Variants in SCGB1D2 observed in about 807,000 individuals in gnomAD.
SCGB1D2 encodes lipophilin-B.
Under a neutral mutation model 10.5 loss-of-function variants are expected in SCGB1D2, and 10 were observed. That is an observed-to-expected ratio of 0.95 (90% CI 0.59 to 1.61). The LOEUF (loss-of-function observed/expected upper bound fraction) is 1.61, where lower values mean the gene tolerates loss of function less well. SCGB1D2 is among the 40% of genes most tolerant of loss of function. SCGB1D2 has a pLI of 0.00. For missense variants in SCGB1D2, 113 were observed against 103.8 expected (o/e 1.09, Z -0.38); for synonymous variants, 42 against 42.8 (o/e 0.98, Z 0.08).
At chr11:62,243,198 C>A in intron 1 of SCGB1D2, 91 bp from the exon 2 acceptor site, 3 of 1,009,236 alleles carry the variant, frequency 3.0e-6, no homozygotes, top group Non-Finnish European at 4.5e-6. Context: ...GAACATATAA[C>A]CCAGGGGATC....
chr11:62,243,590 C>T (rs1945083347), intron 2 of SCGB1D2, 114 bp downstream of exon 2: 2 of 914,974 alleles, frequency 2.2e-6, no homozygotes, highest in East Asian at 4.9e-5. Context: ...CCTTGCTGGT[C>T]ACCTCTTGAG....
At chr11:62,244,534 T>G (rs1945092874) in intron 2 of SCGB1D2, 136 bp from the exon 3 acceptor site, 1 of 743,956 alleles carries the variant, frequency 1.3e-6, no homozygotes, top group Non-Finnish European at 2.2e-6. Flanking sequence ...AGGCCTCAGT[T>G]TCCCAAACTG....
chr11:62,243,264 C>T, intron 1 of SCGB1D2, 25 bp from the exon 2 acceptor site: 1 of 1,599,886 alleles, frequency 6.3e-7, no homozygotes, highest in Non-Finnish European at 8.5e-7. Flanking sequence ...CTAACATCAA[C>T]TATATTTTTA....
At chr11:62,244,445 C>T (rs142434165) in intron 2 of SCGB1D2, among the ~76,000 whole-genome samples, 57 of 152,270 alleles carry the variant, frequency 3.7e-4, no homozygotes, top group Non-Finnish European at 4.3e-4. Flanking sequence ...GCCTCATTCC[C>T]GGATCACCCC....
Position 62,242,324 on chromosome 11 carries a change from G to A in SCGB1D2, c.17G>A (p.Cys6Tyr). 6.2e-7 allele frequency: 1 copy of A among 1,614,072 alleles called. No individual in the cohort carries two copies. The highest frequency in any genetic ancestry group is 8.5e-7 in the Non-Finnish European group (1 of 1,179,984). The change falls in exon 1 of 3, where the codon TGT (cysteine) becomes TAT (tyrosine). Residue 6 changes from cysteine to tyrosine, a missense_variant. Cys to Tyr is a radical substitution (Grantham distance 194, BLOSUM62 -2). Transcript: ENST00000244926. The stretch of plus-strand genomic sequence containing the variant: ...CAAGCCACCATGAAGCTGTCGGTGT[G>A]TCTCCTGCTGGTCACGCTGGCCCTC... MKLSV[C>Y]LLLVTLALCC... is the part of the protein sequence containing the mutation.
Position 62,244,686 on chromosome 11 carries a change from A to T in SCGB1D2, c.260A>T (p.Lys87Ile), listed in dbSNP as rs776544059. ...IAEVLVKILK[K>I]CSV ...CTATTTTAGGTGAAAATATTGAAGA[A>T]ATGTAGTGTGTGACATGTAAAAACT... The change falls in exon 3 of 3, where the codon AAA becomes ATA. Residue 87 changes from lysine (K) to isoleucine (I), a missense_variant. Coordinates refer to ENST00000244926, the MANE Select transcript of SCGB1D2 (RefSeq NM_006551.4). 1.9e-6 allele frequency: 3 copies of T among 1,613,272 alleles called. No homozygotes were observed. The highest frequency in any genetic ancestry group is 1.7e-6 in the Non-Finnish European group (2 of 1,179,496).
chr11:62,243,505 G>A (rs374173250), intron 2 of SCGB1D2, 29 bp downstream of exon 2: 15 of 1,588,684 alleles, frequency 9.4e-6, no homozygotes, highest in Non-Finnish European at 1.3e-5. Context: ...ATTTGTTAAG[G>A]CTTCTGGTCA....
Position 62,242,340 on chromosome 11 carries a change from G to C in SCGB1D2, c.33G>C (p.Thr11=), listed in dbSNP as rs370395063. The C allele has an allele frequency of 3.2e-5, 51 of 1,613,992 alleles. No homozygotes were observed. The highest frequency in any genetic ancestry group is 4.1e-5 in the Non-Finnish European group (48 of 1,179,944). ...TGTCGGTGTGTCTCCTGCTGGTCAC[G>C]CTGGCCCTCTGCTGCTACCAGGGTG... is the stretch of plus-strand genomic sequence containing the variant. MKLSVCLLLV[T]LALCCYQANA... The change falls in exon 1 of 3, where the codon ACG becomes ACC. Residue 11 remains threonine, a synonymous_variant. Transcript: ENST00000244926.
rs759633764 is a variant in SCGB1D2 at position 62,243,446 on chromosome 11, T to C, written c.213T>C (p.Leu71=). ...GVKRCTDQMS[L]QKRSLIAEVL... ...AGAGATGCACGGATCAGATGTCCCTTCAGAAACGAAGCCTCATTGCGGAAG... is the reference window on the plus strand; with the variant it reads ...AGAGATGCACGGATCAGATGTCCCTCCAGAAACGAAGCCTCATTGCGGAAG... Residue 71 remains leucine (L), a synonymous_variant, in exon 2 of 3, where the codon CTT becomes CTC. Transcript: ENST00000244926. 1.9e-6 allele frequency: 3 copies of C among 1,613,098 alleles called. No individual in the cohort carries two copies. Among genetic ancestry groups the C allele is most frequent in the Non-Finnish European group, 2.5e-6 (3 of 1,179,750 alleles).
Position 62,244,807 on chromosome 11 carries a change from C to T in SCGB1D2, c.*108C>T. The T allele has an allele frequency of 2.1e-6, 2 of 957,700 alleles. No individual in the cohort carries two copies. The highest frequency in any genetic ancestry group is 1.7e-6 in the Non-Finnish European group (1 of 602,180). 59.3% of individuals were successfully genotyped at this position (957,700 alleles called of 1,614,324 possible). A position where few individuals can be genotyped will look rare whatever the true frequency, so the allele number is the denominator to read the frequency against. Reference sequence around the variant, plus strand: ...TTGCTTTAATAAATCACTTGCTCTCCACGTCTCCACTGGTCTTGTTATAAT... The same window carrying T: ...TTGCTTTAATAAATCACTTGCTCTCTACGTCTCCACTGGTCTTGTTATAAT... On this transcript the variant is annotated 3_prime_UTR_variant, in exon 3 of 3. Transcript: ENST00000244926.
chr11:62,242,685 C>T (rs573237852), intron 1 of SCGB1D2, among the ~76,000 whole-genome samples: 14 of 152,316 alleles, frequency 9.2e-5, no homozygotes, highest in African/African-American at 3.1e-4. Context: ...GCCCTTTGAC[C>T]TTGGGCACAA....
At chr11:62,244,647 T>C (rs1383831169) in intron 2 of SCGB1D2, 23 bp from the exon 3 acceptor site, 2 of 1,611,330 alleles carry the variant, frequency 1.2e-6, no homozygotes. Context: ...GACCCCACCT[T>C]CTTTTTTCTT....
chr11:62,243,586 TG>T, intron 2 of SCGB1D2, 110 bp downstream of exon 2: 1 of 944,872 alleles, frequency 1.1e-6, no homozygotes, highest in Non-Finnish European at 1.6e-6. Context: ...GCTGCCTTGC[TG>T]GTCACCTCTT....
intron 2 of SCGB1D2, among the ~76,000 whole-genome samples, chr11:62,244,357 C>G (rs1171353534): frequency 6.6e-6 from 1 of 152,134 alleles, no homozygotes; most frequent in Non-Finnish European, 1.5e-5. Context: ...CAGGAGACTC[C>G]AAGCCCTGGG....
intron 2 of SCGB1D2, among the ~76,000 whole-genome samples, chr11:62,244,427 G>C (rs1226314900): frequency 6.6e-6 from 1 of 152,130 alleles, no homozygotes; most frequent in Non-Finnish European, 1.5e-5. Context: ...CTTCCATGAG[G>C]ATCCTGGGCC....
chr11:62,244,124 T>A (rs994355454), intron 2 of SCGB1D2, among the ~76,000 whole-genome samples: 1 of 152,146 alleles, frequency 6.6e-6, no homozygotes, highest in Non-Finnish European at 1.5e-5. Flanking sequence ...TCTCAAGAAA[T>A]CAGAGGTTTT....
In SCGB1D2 at chr11:62,243,338, C is replaced by A; in HGVS notation, c.105C>A (p.Phe35Leu). Residue 35 changes from phenylalanine (F) to leucine (L), a missense_variant, in exon 2 of 3, where the codon TTC becomes TTA. Transcript: ENST00000244926. The stretch of plus-strand genomic sequence containing the variant: ...TTGTTTCTGAGCTGTTAGACTTCTT[C>A]TTCATTAGTGAACCTCTGTTCAAGT... ...PALVSELLDF[F>L]FISEPLFKLS... 1 of 1,614,052 alleles carries A rather than the reference C, an allele frequency of 6.2e-7. No homozygotes were observed. Among genetic ancestry groups the A allele is most frequent in the Non-Finnish European group, 8.5e-7 (1 of 1,179,926 alleles).
chr11:62,242,483 T>C (rs932125158), intron 1 of SCGB1D2, 121 bp downstream of exon 1: 4 of 907,750 alleles, frequency 4.4e-6, no homozygotes, highest in African/African-American at 3.3e-5. Context: ...AACCTTTTTC[T>C]GTGCTTGTTG....
chr11:62,243,580 C>T (rs557992495), intron 2 of SCGB1D2, 104 bp downstream of exon 2: 30 of 985,588 alleles, frequency 3.0e-5, no homozygotes, highest in Admixed American at 3.0e-4. Flanking sequence ...GGGGCAGCTG[C>T]CTTGCTGGTC....
Sources: gnomAD v4.1 joint callset for allele counts (sites outside exome capture counted in the v4.1 genomes callset) on GRCh38, gnomAD v4.1.1 for gene constraint, MANE v1.5 for transcripts, NCBI Gene and HGNC (gene_info 2026-07-23, HGNC 2026-07-21) for gene names.